Variants in ARHGEF37 observed in about 807,000 individuals in gnomAD.
The protein encoded by ARHGEF37 is Rho guanine nucleotide exchange factor 37.
Under a neutral mutation model 71.1 loss-of-function variants are expected in ARHGEF37, and 55 were observed. The observed-to-expected ratio is 0.77, with a 90% CI of 0.62 to 0.97. The LOEUF is 0.97. Ranked by LOEUF, ARHGEF37 falls within the 50% of genes least tolerant of loss-of-function variation. The pLI is 0.00. For missense variants in ARHGEF37, 765 were observed against 836.8 expected (o/e 0.91, Z 1.06); for synonymous variants, 327 against 350.6 (o/e 0.93, Z 0.75).
intron 4 of ARHGEF37, among the ~76,000 whole-genome samples, chr5:149,615,700 G>A (rs978612198): frequency 2.0e-5 from 3 of 151,892 alleles, no homozygotes; most frequent in Non-Finnish European, 4.4e-5. Flanking sequence ...GACCATCCTG[G>A]CCAACATGGT....
chr5:149,568,044 T>G (rs1264230160), intron 1 of ARHGEF37, among the ~76,000 whole-genome samples: 1 of 152,194 alleles, frequency 6.6e-6, no homozygotes, highest in Non-Finnish European at 1.5e-5. Flanking sequence ...GTTCTTCTTT[T>G]GCACACGTAC....
At chr5:149,552,241 A>G (rs1244696751) in intron 1 of ARHGEF37, 5 of 146,092 alleles carry the variant, frequency 3.4e-5, no homozygotes, top group African/African-American at 5.2e-5. Flanking sequence ...AAAAAAAAAA[A>G]AAAGAATCGT....
Position 149,627,216 on chromosome 5 carries a change from C to T in ARHGEF37, c.1605C>T (p.Ile535=), listed in dbSNP as rs1416810526. 2 of 1,614,072 alleles carry T rather than the reference C, an allele frequency of 1.2e-6. No individual in the cohort carries two copies. Among genetic ancestry groups the T allele is most frequent in the African/African-American group, 1.3e-5 (1 of 75,044 alleles). Residue 535 remains isoleucine, a synonymous_variant, in exon 11 of 13, where the codon ATC becomes ATT. Coordinates refer to ENST00000333677, the MANE Select transcript of ARHGEF37 (RefSeq NM_001001669.3). The part of the protein sequence containing the change: ...LTLPRGQIVA[I]LQNKDTKGNS... Reference sequence around the variant, plus strand: ...TGCCTCGGGGCCAAATCGTGGCCATCCTTCAAAACAAGGACACCAAAGGCA... The same window carrying T: ...TGCCTCGGGGCCAAATCGTGGCCATTCTTCAAAACAAGGACACCAAAGGCA...
chr5:149,579,417 G>T (rs1763064058), upstream of ARHGEF37, among the ~76,000 whole-genome samples: 1 of 152,116 alleles, frequency 6.6e-6, no homozygotes, highest in Non-Finnish European at 1.5e-5. Context: ...TTATCAGTAG[G>T]TTAGAATAGA....
At chr5:149,624,853 C>T (rs1752637163) in intron 10 of ARHGEF37, among the ~76,000 whole-genome samples, 1 of 150,726 alleles carries the variant, frequency 6.6e-6, no homozygotes, top group Admixed American at 6.6e-5. Flanking sequence ...AACAGTATTT[C>T]AGCTGCATGA....
chr5:149,593,827 A>AGG (rs1188897604), intron 1 of ARHGEF37, among the ~76,000 whole-genome samples: 1 of 152,070 alleles, frequency 6.6e-6, no homozygotes, highest in Non-Finnish European at 1.5e-5. Context: ...GAGGAGGAGG[A>AGG]GGGGTTGCCC....
chr5:149,568,191 T>C (rs376851958), intron 1 of ARHGEF37, among the ~76,000 whole-genome samples: 2 of 152,084 alleles, frequency 1.3e-5, no homozygotes, highest in Non-Finnish European at 2.9e-5. Flanking sequence ...TGGCTAATTT[T>C]TTTATTTGTT....
intron 12 of ARHGEF37, among the ~76,000 whole-genome samples, chr5:149,631,148 T>TTTCC (rs796720991): frequency 6.4e-5 from 7 of 109,564 alleles, no homozygotes; most frequent in African/African-American, 1.5e-4. Flanking sequence ...TCCTTCCTTC[T>TTTCC]TTCCTTCCTT....
At position 149,632,613 on chromosome 5, in the gene ARHGEF37, GCC is replaced by G; in HGVS notation, c.*423_*424del. The stretch of plus-strand genomic sequence containing the variant: ...GCGGGTTCTGGAGGAGTCCAGAACT[GCC>G]TGGTCAGACAGTTCACTTCCTACAC... On this transcript the variant is annotated 3_prime_UTR_variant, in exon 13 of 13. Coordinates refer to ENST00000333677, the MANE Select transcript of ARHGEF37 (RefSeq NM_001001669.3). 1 of 191,916 alleles carries G rather than the reference GCC, an allele frequency of 5.2e-6. No individual in the cohort carries two copies. Among genetic ancestry groups the G allele is most frequent in the South Asian group, 1.2e-4 (1 of 8,016 alleles). 11.9% of individuals were successfully genotyped at this position (191,916 alleles called of 1,614,324 possible). A position where few individuals can be genotyped will look rare whatever the true frequency, so the allele number is the denominator to read the frequency against.
intron 1 of ARHGEF37, among the ~76,000 whole-genome samples, chr5:149,564,985 C>CCTAG (rs569739486): frequency 1.3e-5 from 2 of 152,166 alleles, no homozygotes; most frequent in Non-Finnish European, 2.9e-5. Flanking sequence ...CCTTCTGTGG[C>CCTAG]CTAGCATCAG....
intron 1 of ARHGEF37, among the ~76,000 whole-genome samples, chr5:149,572,751 A>G (rs1159043742): frequency 3.9e-5 from 6 of 152,128 alleles, no homozygotes; most frequent in Non-Finnish European, 7.3e-5. Flanking sequence ...GAGAACAAAG[A>G]CTGACCTCTT....
At position 149,628,946 on chromosome 5, in the gene ARHGEF37, T is replaced by G; in HGVS notation, c.1798T>G (p.Ser600Ala). 1 of 1,612,700 alleles carries G rather than the reference T, an allele frequency of 6.2e-7. No homozygotes were observed. Among genetic ancestry groups the G allele is most frequent in the South Asian group, 1.1e-5 (1 of 90,998 alleles). ...TPEPSPALVPSIPTMNQVIAA... is the reference protein window; with the variant it reads ...TPEPSPALVPAIPTMNQVIAA... ...GGAGCCCAGCCCAGCTCTAGTGCCC[T>G]CTATTCCCACCATGAACCAGGTGAG... Residue 600 changes from serine to alanine, a missense_variant, in exon 12 of 13, where the codon TCT (serine) becomes GCT (alanine). Ser to Ala is a moderately conservative substitution (Grantham distance 99). Transcript: ENST00000333677.
chr5:149,614,568 C>T (rs1028699971), intron 4 of ARHGEF37, among the ~76,000 whole-genome samples: 16 of 152,124 alleles, frequency 1.1e-4, no homozygotes, highest in African/African-American at 3.4e-4. Context: ...ATTTGTGAGG[C>T]GATAGTTGTC....
At chr5:149,617,135 G>C (rs1049258350) in intron 5 of ARHGEF37, among the ~76,000 whole-genome samples, 9 of 152,206 alleles carry the variant, frequency 5.9e-5, no homozygotes, top group African/African-American at 1.9e-4. Context: ...TGGGTCATGT[G>C]CTTACCTTGA....
At chr5:149,626,731 T>C (rs1229520069) in intron 10 of ARHGEF37, among the ~76,000 whole-genome samples, 2 of 152,216 alleles carry the variant, frequency 1.3e-5, no homozygotes, top group East Asian at 1.9e-4. Flanking sequence ...TCTAATGGAA[T>C]TGAAAGACCT....
At chr5:149,621,022 GT>G (rs1752525017) in intron 8 of ARHGEF37, among the ~76,000 whole-genome samples, 1 of 152,084 alleles carries the variant, frequency 6.6e-6, no homozygotes, top group African/African-American at 2.4e-5. Context: ...TCACCATATG[GT>G]TTTGGGGGTG....
At chr5:149,621,004 T>A (rs1296037800) in intron 8 of ARHGEF37, among the ~76,000 whole-genome samples, 2 of 152,186 alleles carry the variant, frequency 1.3e-5, no homozygotes, top group African/African-American at 4.8e-5. Context: ...CCTTACATCA[T>A]TTAATCCTCA....
At chr5:149,554,766 GT>G (rs1762730508) in intron 1 of ARHGEF37, among the ~76,000 whole-genome samples, 1 of 151,658 alleles carries the variant, frequency 6.6e-6, no homozygotes, top group African/African-American at 2.4e-5. Flanking sequence ...AGAATAACCT[GT>G]TTTTGGTGTT....
chr5:149,579,522 C>T (rs1447095057), upstream of ARHGEF37, among the ~76,000 whole-genome samples: 1 of 152,248 alleles, frequency 6.6e-6, no homozygotes, highest in East Asian at 1.9e-4. Flanking sequence ...ATAAGCTTCT[C>T]TGCTTGAATG....
Sources: gnomAD v4.1 joint callset for allele counts (sites outside exome capture counted in the v4.1 genomes callset) on GRCh38, gnomAD v4.1.1 for gene constraint, MANE v1.5 for transcripts, NCBI Gene and HGNC (gene_info 2026-07-23, HGNC 2026-07-21) for gene names.